The following TTLL12 variants were observed in gnomAD, a reference collection of about 807,000 sequenced individuals.
TTLL12 encodes the protein tubulin tyrosine ligase like 12.
TTLL12 carries 77 observed loss-of-function variants against 79.6 expected under a neutral mutation model. The ratio of observed to expected loss-of-function variants is 0.97; its 90% CI spans 0.81 to 1.17. The LOEUF (loss-of-function observed/expected upper bound fraction) is 1.17, where lower values mean the gene tolerates loss of function less well. Ranked by LOEUF, TTLL12 falls within the 50% of genes most tolerant of loss-of-function variation. The pLI, the probability that TTLL12 is intolerant of heterozygous loss-of-function variation, is 0.00. For missense variants in TTLL12, 969 were observed against 895.9 expected (o/e 1.08, Z -1.04); for synonymous variants, 437 against 376.1 (o/e 1.16, Z -1.87).
At chr22:43,182,839 C>A in intron 2 of TTLL12, 141 bp downstream of exon 2, 2 of 1,178,886 alleles carry the variant, frequency 1.7e-6, no homozygotes, top group Non-Finnish European at 2.3e-6. Flanking sequence ...ATGGACACAC[C>A]GCTGGCCACA....
At position 43,168,869 on chromosome 22, in the gene TTLL12, C is replaced by G; in HGVS notation, c.1688G>C (p.Cys563Ser). Residue 563 changes from cysteine to serine, a missense_variant, in exon 13 of 14, where the codon TGT becomes TCT. Cys to Ser is a moderately radical substitution (Grantham distance 112). Coordinates refer to ENST00000216129, the MANE Select transcript of TTLL12 (RefSeq NM_015140.4). ...GAGGCCCAGGGGTGGTGGCTTGGCA[C>G]AGGCCACCTGGAACAGCTCCGTGAA... ...RAFTELFQVACAKPPPLGLCD... is the reference protein window; with the variant it reads ...RAFTELFQVASAKPPPLGLCD... The G allele has an allele frequency of 1.1e-5, 17 of 1,610,746 alleles. No individual in the cohort carries two copies. Among genetic ancestry groups the G allele is most frequent in the Non-Finnish European group, 1.4e-5 (17 of 1,178,938 alleles).
Position 43,180,763 on chromosome 22 carries a change from C to T in TTLL12, c.525G>A (p.Gln175=), listed in dbSNP as rs576762197. ...TCACCCCATGGGCCAGCTGGTAGGTCTGGTTGAACTTCCACATCTCCTCCA... is the reference window on the plus strand; with the variant it reads ...TCACCCCATGGGCCAGCTGGTAGGTTTGGTTGAACTTCCACATCTCCTCCA... The part of the protein sequence containing the change: ...LVLEEMWKFN[Q]TYQLAHGTAE... Residue 175 remains glutamine, a synonymous_variant, in exon 3 of 14, where the codon CAG becomes CAA. Coordinates refer to ENST00000216129, the MANE Select transcript of TTLL12 (RefSeq NM_015140.4). The T allele has an allele frequency of 7.4e-6, 12 of 1,613,110 alleles. No homozygotes were observed. The South Asian group carries it at 1.2e-4, about 16-fold the overall frequency.
chr22:43,172,333 A>T, intron 10 of TTLL12, 70 bp downstream of exon 10: 1 of 1,583,982 alleles, frequency 6.3e-7, no homozygotes, highest in Non-Finnish European at 8.6e-7. Context: ...AAAAGGGCCC[A>T]TCACCCACCC....
intron 1 of TTLL12, among the ~76,000 whole-genome samples, chr22:43,184,259 G>C (rs78760789): frequency 0.013 from 2,031 of 152,384 alleles, 23 homozygotes; most frequent in Non-Finnish European, 0.022. Flanking sequence ...AACTAGCTAA[G>C]TACTCAGGTG....
At chr22:43,185,820 C>A in intron 1 of TTLL12, 1 of 354,386 alleles carries the variant, frequency 2.8e-6, no homozygotes, top group South Asian at 1.1e-4. Context: ...CCCATGGGAA[C>A]CTTTTTGTCC....
In TTLL12 at chr22:43,182,985, G is replaced by A. The variant is rs1932095452; in HGVS notation, c.342C>T (p.Pro114=). ...GTCTCTGGCCAGGCTCCTACCTGTTGGGGTGGGCTGCCTGGAGCCCGCTCT... is the reference window on the plus strand; with the variant it reads ...GTCTCTGGCCAGGCTCCTACCTGTTAGGGTGGGCTGCCTGGAGCCCGCTCT... ...TRESGLQAAH[P]NSIFLIDHAW... Residue 114 remains proline (P), a synonymous_variant, in exon 2 of 14, where the codon CCC becomes CCT. Transcript: ENST00000216129. 1.2e-6 allele frequency: 2 copies of A among 1,613,218 alleles called. No homozygotes were observed. The highest frequency in any genetic ancestry group is 1.7e-6 in the Non-Finnish European group (2 of 1,179,558).
intron 5 of TTLL12, among the ~76,000 whole-genome samples, chr22:43,176,985 C>G (rs567355829): frequency 6.6e-6 from 1 of 152,150 alleles, no homozygotes; most frequent in Non-Finnish European, 1.5e-5. Context: ...TCGCAGGGGG[C>G]GAGAAGGTGC....
chr22:43,187,103 ACCGCCG>A lies in TTLL12; in HGVS notation c.-40_-35del. On this transcript the variant is annotated 5_prime_UTR_variant, in exon 1 of 14. Coordinates refer to ENST00000216129, the MANE Select transcript of TTLL12 (RefSeq NM_015140.4). ...CACCCGCGCCGACTCCAGCGCCGCC[ACCGCCG>A]CCGCCGCCCGCCGTCCGTCGGCCCT... is the stretch of plus-strand genomic sequence containing the variant. The A allele has an allele frequency of 9.9e-7, 1 of 1,013,912 alleles. No individual in the cohort carries two copies. The highest frequency in any genetic ancestry group is 1.2e-6 in the Non-Finnish European group (1 of 850,704). 62.8% of individuals were successfully genotyped at this position (1,013,912 alleles called of 1,614,324 possible).
chr22:43,170,180 C>T, intron 11 of TTLL12: 1 of 347,138 alleles, frequency 2.9e-6, no homozygotes, highest in African/African-American at 2.1e-5. Context: ...AGGCACAGAG[C>T]TCCAGGAGAG....
At position 43,183,058 on chromosome 22, in the gene TTLL12, T is replaced by C. The variant is rs775582153; in HGVS notation, c.269A>G (p.Gln90Arg). 1 of 1,614,064 alleles carries C rather than the reference T, an allele frequency of 6.2e-7. No individual in the cohort carries two copies. The highest frequency in any genetic ancestry group is 1.1e-5 in the South Asian group (1 of 91,088). The change falls in exon 2 of 14, where the codon CAG becomes CGG. Residue 90 changes from glutamine (Q) to arginine (R), a missense_variant. Gln to Arg is a conservative substitution (Grantham distance 43, BLOSUM62 1). Coordinates refer to ENST00000216129, the MANE Select transcript of TTLL12 (RefSeq NM_015140.4). ...DEAAREVRKQ[Q>R]PNPGNELCYK... ...GCACAGCTCGTTCCCCGGGTTGGGC[T>C]GCTGCTTCCGCACCTCCCGGGCTGC... is the stretch of plus-strand genomic sequence containing the variant.
intron 5 of TTLL12, among the ~76,000 whole-genome samples, chr22:43,176,799 C>T (rs1931927400): frequency 6.7e-6 from 1 of 150,092 alleles, no homozygotes; most frequent in Admixed American, 6.6e-5. Flanking sequence ...GCATCAGGTT[C>T]TATGGCCTCA....
intron 6 of TTLL12, among the ~76,000 whole-genome samples, 173 bp from the exon 7 acceptor site, chr22:43,174,788 A>G (rs2269527): frequency 0.31 from 47,166 of 152,108 alleles, 8,975 homozygotes; most frequent in African/African-American, 0.55. Context: ...CGCTCCCTCC[A>G]ATCTGCTGAG....
chr22:43,172,701 C>CTT (rs368382622), intron 9 of TTLL12, 147 bp from the exon 10 acceptor site: 638 of 631,552 alleles, frequency 1.0e-3, no homozygotes, highest in Middle Eastern at 1.5e-3. Context: ...GCTGCAAAGT[C>CTT]TTTTTTTTTT....
rs551092643 is a variant in TTLL12, at chr22:43,167,447, C to T, written c.*561G>A. 1 of 287,836 alleles carries T rather than the reference C, an allele frequency of 3.5e-6. No homozygotes were observed. The highest frequency in any genetic ancestry group is 6.9e-6 in the Non-Finnish European group (1 of 144,962). The allele number at this position is 287,836 out of a possible 1,614,324, so 17.8% of individuals were successfully genotyped here. ...TAAGGCGGGCTTGCTGGGTGGTGGC[C>T]TCAGGCTGTTCCTGGGCCCCTGTCG... On this transcript the variant is annotated 3_prime_UTR_variant, in exon 14 of 14. Transcript: ENST00000216129.
At chr22:43,182,071 C>A (rs1228794468) in intron 2 of TTLL12, among the ~76,000 whole-genome samples, 1 of 135,514 alleles carries the variant, frequency 7.4e-6, no homozygotes, top group East Asian at 1.9e-4. Flanking sequence ...AACACTCAGG[C>A]TCCAAATCCA....
In TTLL12 at chr22:43,178,314, G is replaced by A. The variant is rs149424947; in HGVS notation, c.840+1305C>T. On this transcript the variant is annotated intron_variant, in intron 5 of 13. Coordinates refer to ENST00000216129, the MANE Select transcript of TTLL12 (RefSeq NM_015140.4). ...ACAAACACGCCACCACTCCACACACGCCCGCTCTATTTTTTTTTTTTTTTT... is the reference window on the plus strand; with the variant it reads ...ACAAACACGCCACCACTCCACACACACCCGCTCTATTTTTTTTTTTTTTTT... 7.4e-3 allele frequency among the ~76,000 whole-genome samples: 934 copies of A among 126,134 alleles called. 10 individuals carry two copies. Among genetic ancestry groups the A allele is most frequent in the African/African-American group, 0.026 (875 of 33,360 alleles). 82.7% of individuals were successfully genotyped at this position (126,134 alleles called of 152,430 possible).
rs564551538 is a variant in TTLL12 at position 43,167,262 on chromosome 22, G to A, written c.*746C>T. On this transcript the variant is annotated 3_prime_UTR_variant, in exon 14 of 14. Coordinates refer to ENST00000216129, the MANE Select transcript of TTLL12 (RefSeq NM_015140.4). Reference sequence around the variant, plus strand: ...AAGGGCGGGACCCCGTGGAGTGCCCGGCGAGCAGGGCAACCACTGGGAAGA... The same window carrying A: ...AAGGGCGGGACCCCGTGGAGTGCCCAGCGAGCAGGGCAACCACTGGGAAGA... 45 of 509,914 alleles carry A rather than the reference G, an allele frequency of 8.8e-5. No homozygotes were observed. Among genetic ancestry groups the A allele is most frequent in the African/African-American group, 6.4e-4 (33 of 51,592 alleles). 31.6% of individuals were successfully genotyped at this position (509,914 alleles called of 1,614,324 possible).
chr22:43,176,277 T>G (rs779659098), intron 6 of TTLL12, 43 bp downstream of exon 6: 10 of 1,444,002 alleles, frequency 6.9e-6, no homozygotes, highest in Non-Finnish European at 9.6e-6. Context: ...AGGCGGGGAC[T>G]GCGGACAAGT....
At chr22:43,178,150 A>G (rs1409077671) in intron 5 of TTLL12, among the ~76,000 whole-genome samples, 3 of 152,118 alleles carry the variant, frequency 2.0e-5, no homozygotes, top group Non-Finnish European at 2.9e-5. Flanking sequence ...GGGCTCTGGG[A>G]GGCTTGTAAG....
Sources: gnomAD v4.1 joint callset for allele counts (sites outside exome capture counted in the v4.1 genomes callset) on GRCh38, gnomAD v4.1.1 for gene constraint, MANE v1.5 for transcripts, NCBI Gene and HGNC (gene_info 2026-07-23, HGNC 2026-07-21) for gene names.